Variants in LMO3 observed in about 807,000 individuals in gnomAD.
The protein encoded by LMO3 is LIM domain only protein 3.
A neutral mutation model predicts 15.8 loss-of-function variants in LMO3; 2 were observed. The ratio of observed to expected loss-of-function variants is 0.13; its 90% confidence interval spans 0.05 to 0.40. The LOEUF (loss-of-function observed/expected upper bound fraction) is 0.40, where lower values mean the gene tolerates loss of function less well. LMO3 is among the 10% of genes least tolerant of loss of function. The pLI is 0.99. For synonymous variants in LMO3, 62 were observed against 63.8 expected, an observed-to-expected ratio of 0.97 and a Z score of 0.13; for missense variants, 86 against 182.2, an observed-to-expected ratio of 0.47 and a Z score of 3.04.
At chr12:16,572,203 A>G (rs533980321) in intron 2 of LMO3, among the ~76,000 whole-genome samples, 1 of 151,972 alleles carries the variant, frequency 6.6e-6, no homozygotes, top group African/African-American at 2.4e-5. Flanking sequence ...AGAAGGAGAA[A>G]TACTAAAGTT....
Position 16,583,317 on chromosome 12 carries a change from T to TA in LMO3, c.206+17337dup, listed in dbSNP as rs992161936. ...ACAACAACAGACTGTTCTTTTTTTT[T>TA]AAAAAAATTAGACAATAGGGGAATT... On this transcript the variant is annotated intron_variant, in intron 2 of 3. Transcript: ENST00000537304. Among the ~76,000 whole-genome samples, 38 of 151,762 alleles carry TA rather than the reference T, an allele frequency of 2.5e-4. 1 individual carries two copies. Among genetic ancestry groups the TA allele is most frequent in the Non-Finnish European group, 3.8e-4 (26 of 67,932 alleles).
chr12:16,564,253 T>C (rs1226654765), intron 2 of LMO3, among the ~76,000 whole-genome samples: 1 of 152,176 alleles, frequency 6.6e-6, no homozygotes, highest in Non-Finnish European at 1.5e-5. Context: ...TGCCACACTG[T>C]AGTGAGCATG....
intron 3 of LMO3, among the ~76,000 whole-genome samples, chr12:16,554,040 A>T (rs971163627): frequency 6.6e-6 from 1 of 152,146 alleles, no homozygotes; most frequent in Non-Finnish European, 1.5e-5. Context: ...TATGGTAAGG[A>T]ATAAGAAGAT....
intron 2 of LMO3, among the ~76,000 whole-genome samples, chr12:16,564,773 G>C (rs1424086896): frequency 6.6e-6 from 1 of 152,134 alleles, no homozygotes; most frequent in Non-Finnish European, 1.5e-5. Context: ...CATTTAATGA[G>C]ATAAATATGC....
rs1763451018 is a variant in LMO3, at chr12:16,587,571, C to A, written c.206+13084G>T. Among the ~76,000 whole-genome samples the A allele has an allele frequency of 6.6e-6, 1 of 152,020 alleles. No homozygotes were observed. Among genetic ancestry groups the A allele is most frequent in the African/African-American group, 2.4e-5 (1 of 41,402 alleles). ...TAATAGTAGCCTACATGGTTGACTACCCTTGGTGTTAAATTTTCTTAAATT... is the reference window on the plus strand; with the variant it reads ...TAATAGTAGCCTACATGGTTGACTAACCTTGGTGTTAAATTTTCTTAAATT... On this transcript the variant is annotated intron_variant, in intron 2 of 3. Coordinates refer to ENST00000537304, the MANE Select transcript of LMO3 (RefSeq NM_018640.5). The surrounding 1 kb of genome is among the most constrained non-coding windows in gnomAD (Gnocchi z 4.3).
intron 2 of LMO3, among the ~76,000 whole-genome samples, chr12:16,564,744 T>C (rs1942530645): frequency 6.6e-6 from 1 of 152,154 alleles, no homozygotes; most frequent in African/African-American, 2.4e-5. Flanking sequence ...AAAGATCAGA[T>C]CAGTAGTCAA....
chr12:16,604,281 C>T lies in LMO3; in HGVS notation c.-9+1785G>A, dbSNP rs1030382922. ...AAGGGACAACAATGCAAATAGATGT[C>T]CCCAGATCTCAGGCACTGGAGCTGC... On this transcript the variant is annotated intron_variant, in intron 1 of 3. Coordinates refer to ENST00000537304, the MANE Select transcript of LMO3 (RefSeq NM_018640.5). This position sits in a 1 kb window ranked among gnomAD's most constrained non-coding sequence, Gnocchi z 5.3. Among the ~76,000 whole-genome samples the T allele has an allele frequency of 1.3e-4, 20 of 152,104 alleles. No homozygotes were observed. Among genetic ancestry groups the T allele is most frequent in the Non-Finnish European group, 2.8e-4 (19 of 68,016 alleles).
Position 16,586,387 on chromosome 12 carries a change from C to T in LMO3, c.206+14268G>A, listed in dbSNP as rs911410548. On this transcript the variant is annotated intron_variant, in intron 2 of 3. Transcript: ENST00000537304. This position sits in a 1 kb window ranked among gnomAD's most constrained non-coding sequence, Gnocchi z 4.3. The stretch of plus-strand genomic sequence containing the variant: ...CACTGCATGGCTGTGGCAAGGAGAG[C>T]GGAGGATCCTAATCTTCCCCAGCAA... Among the ~76,000 whole-genome samples the T allele has an allele frequency of 3.3e-5, 5 of 152,088 alleles. No homozygotes were observed. Among genetic ancestry groups the T allele is most frequent in the Admixed American group, 6.6e-5 (1 of 15,256 alleles).
intron 2 of LMO3, among the ~76,000 whole-genome samples, chr12:16,571,724 T>C (rs1337585402): frequency 1.3e-5 from 2 of 152,042 alleles, no homozygotes; most frequent in Non-Finnish European, 2.9e-5. Context: ...TTAAATACCC[T>C]TTCAAGATAT....
Position 16,603,146 on chromosome 12 carries a change from T to C in LMO3, c.-8-2278A>G, listed in dbSNP as rs140025391. Among the ~76,000 whole-genome samples the C allele has an allele frequency of 1.9e-4, 29 of 152,332 alleles. No individual in the cohort carries two copies. The highest frequency in any genetic ancestry group is 5.5e-4 in the African/African-American group (23 of 41,572). ...CACAAGTAACACTACCCTACTTGTC[T>C]TCACAAAATGTTTTTGTTGTGTTGA... On this transcript the variant is annotated intron_variant, in intron 1 of 3. Transcript: ENST00000537304. The surrounding 1 kb of genome is among the most constrained non-coding windows in gnomAD (Gnocchi z 4.9).
At position 16,589,986 on chromosome 12, in the gene LMO3, C is replaced by T. The variant is rs1046792435; in HGVS notation, c.206+10669G>A. On this transcript the variant is annotated intron_variant, in intron 2 of 3. Transcript: ENST00000537304. The surrounding 1 kb of genome is among the most constrained non-coding windows in gnomAD (Gnocchi z 4.2). Reference sequence around the variant, plus strand: ...AATGCCACCGTTTTTGAAAGCCCACCCATTCATCCTGTACCTCCTTATAAG... The same window carrying T: ...AATGCCACCGTTTTTGAAAGCCCACTCATTCATCCTGTACCTCCTTATAAG... Among the ~76,000 whole-genome samples the T allele has an allele frequency of 6.6e-6, 1 of 152,006 alleles. No individual in the cohort carries two copies. Among genetic ancestry groups the T allele is most frequent in the African/African-American group, 2.4e-5 (1 of 41,396 alleles).
At position 16,589,342 on chromosome 12, in the gene LMO3, T is replaced by G. The variant is rs1478270146; in HGVS notation, c.206+11313A>C. On this transcript the variant is annotated intron_variant, in intron 2 of 3. Transcript: ENST00000537304. The surrounding 1 kb of genome is among the most constrained non-coding windows in gnomAD (Gnocchi z 4.2). Reference sequence around the variant, plus strand: ...TAGTAGAATAATGAGAAACACATGATGAGACATTTAAAATATACTGTACAT... The same window carrying G: ...TAGTAGAATAATGAGAAACACATGAGGAGACATTTAAAATATACTGTACAT... 6.6e-6 allele frequency among the ~76,000 whole-genome samples: 1 copy of G among 152,120 alleles called. No individual in the cohort carries two copies. The highest frequency in any genetic ancestry group is 1.5e-5 in the Non-Finnish European group (1 of 68,002).
At chr12:16,580,739 A>T (rs1210878163) in intron 2 of LMO3, among the ~76,000 whole-genome samples, 2 of 152,138 alleles carry the variant, frequency 1.3e-5, no homozygotes, top group Non-Finnish European at 2.9e-5. Context: ...TAGAGCAAAC[A>T]TTAGTAGGTT....
At chr12:16,606,799 A>G (rs948174716), upstream of LMO3, 4 of 152,210 alleles carry the variant, frequency 2.6e-5, no homozygotes, top group Admixed American at 1.3e-4. Flanking sequence ...GCAGGAGTCG[A>G]CTGAGGAAGG....
chr12:16,605,507 T>C (rs1943964657), intron 1 of LMO3: 1 of 379,450 alleles, frequency 2.6e-6, no homozygotes, highest in Non-Finnish European at 3.7e-6. Flanking sequence ...TTTGTTATTA[T>C]GGCTGCGTGG....
At chr12:16,556,270 A>C (rs1942185944) in intron 3 of LMO3, among the ~76,000 whole-genome samples, 1 of 152,166 alleles carries the variant, frequency 6.6e-6, no homozygotes, top group Non-Finnish European at 1.5e-5. Context: ...GTTATATAGA[A>C]TCTTCCAATT....
Position 16,582,082 on chromosome 12 carries a change from A to T in LMO3, c.206+18573T>A, listed in dbSNP as rs985250330. Among the ~76,000 whole-genome samples, 1 of 152,170 alleles carries T rather than the reference A, an allele frequency of 6.6e-6. No individual in the cohort carries two copies. The highest frequency in any genetic ancestry group is 1.5e-5 in the Non-Finnish European group (1 of 68,020). On this transcript the variant is annotated intron_variant, in intron 2 of 3. Transcript: ENST00000537304. The surrounding 1 kb of genome is among the most constrained non-coding windows in gnomAD (Gnocchi z 4.1). ...CTGGCTTTTTCTTGGCTTTAATGGAAATTACTTTAGTATTTAGCTGTTTTA... is the reference window on the plus strand; with the variant it reads ...CTGGCTTTTTCTTGGCTTTAATGGATATTACTTTAGTATTTAGCTGTTTTA...
At chr12:16,568,365 C>A (rs1010695494) in intron 2 of LMO3, among the ~76,000 whole-genome samples, 5 of 152,184 alleles carry the variant, frequency 3.3e-5, no homozygotes, top group African/African-American at 1.2e-4. Flanking sequence ...AAGCAATACC[C>A]TCCATACTCT....
At chr12:16,590,865 A>C (rs1943473352) in intron 2 of LMO3, among the ~76,000 whole-genome samples, 1 of 152,048 alleles carries the variant, frequency 6.6e-6, no homozygotes, top group African/African-American at 2.4e-5. Context: ...CAAATCCAGA[A>C]GCCTATTTTC....
Sources: allele counts gnomAD v4.1 joint callset (sites outside exome capture counted in the v4.1 genomes callset), GRCh38; gene constraint gnomAD v4.1.1; non-coding constraint Gnocchi (gnomAD v3.1); transcripts MANE v1.5; gene names NCBI Gene and HGNC (gene_info 2026-07-23, HGNC 2026-07-21).